Variants in DNAH14 observed in about 807,000 individuals in gnomAD.
DNAH14 encodes the protein dynein axonemal heavy chain 14.
Under a neutral mutation model 520.9 loss-of-function variants are expected in DNAH14, and 478 were observed. The ratio of observed to expected loss-of-function variants is 0.92; its 90% CI spans 0.85 to 0.99. The LOEUF is 0.99. DNAH14 is among the 50% of genes least tolerant of loss of function. DNAH14 has a pLI of 0.00. For synonymous variants in DNAH14, 1,581 were observed against 1,757.2 expected (o/e 0.90, Z 2.51); for missense variants, 4,831 against 5,234.5 (o/e 0.92, Z 2.38).
intron 23 of DNAH14, among the ~76,000 whole-genome samples, chr1:225,115,144 C>A (rs2076775286): frequency 6.6e-6 from 1 of 152,122 alleles, no homozygotes; most frequent in African/African-American, 2.4e-5. Context: ...AAAATAATTG[C>A]TTTTTCCCTA....
intron 66 of DNAH14, among the ~76,000 whole-genome samples, chr1:225,335,707 A>G (rs548721819): frequency 1.3e-4 from 11 of 81,660 alleles, no homozygotes; most frequent in East Asian, 3.2e-4. Flanking sequence ...ATGTGCATAT[A>G]TGTATATACG....
In DNAH14 at chr1:225,152,051, G is replaced by A; in HGVS notation, c.4987G>A (p.Val1663Ile). ...KEIRINMSCA[V>I]FITMNPRYGG... is the part of the protein sequence containing the mutation. Reference sequence around the variant, plus strand: ...AATTCGTATCAATATGTCTTGTGCGGTATTTATCACCATGAATCCCAGGTA... The same window carrying A: ...AATTCGTATCAATATGTCTTGTGCGATATTTATCACCATGAATCCCAGGTA... The change falls in exon 32 of 86, where the codon GTA (valine) becomes ATA (isoleucine). Residue 1663 changes from valine to isoleucine, a missense_variant. Val to Ile is a conservative substitution (Grantham distance 29). Coordinates refer to ENST00000682510, the MANE Select transcript of DNAH14 (RefSeq NM_001367479.1). 1.3e-6 allele frequency: 2 copies of A among 1,550,628 alleles called. No individual in the cohort carries two copies. The highest frequency in any genetic ancestry group is 1.7e-6 in the Non-Finnish European group (2 of 1,146,674).
At chr1:225,301,373 G>C (rs977385464) in intron 56 of DNAH14, among the ~76,000 whole-genome samples, 3 of 151,900 alleles carry the variant, frequency 2.0e-5, no homozygotes, top group African/African-American at 4.8e-5. Flanking sequence ...TTCTTATTTC[G>C]TCTTTTTGGT....
chr1:225,269,010 T>C (rs1056837522), intron 49 of DNAH14, among the ~76,000 whole-genome samples: 3 of 152,118 alleles, frequency 2.0e-5, no homozygotes, highest in Non-Finnish European at 2.9e-5. Context: ...AAAAAGAGCC[T>C]GCATTGCCAA....
chr1:225,346,208 T>C lies in DNAH14; in HGVS notation c.10925T>C (p.Val3642Ala), dbSNP rs201079664. 1.4e-3 allele frequency: 2,214 copies of C among 1,551,652 alleles called. 3 individuals carry two copies. Among genetic ancestry groups the C allele is most frequent in the Non-Finnish European group, 1.8e-3 (2,073 of 1,146,954 alleles). Residue 3642 changes from valine (V) to alanine (A), a missense_variant, in exon 70 of 86, where the codon GTA (valine) becomes GCA (alanine). Val to Ala is a moderately conservative substitution (Grantham distance 64). Coordinates refer to ENST00000682510, the MANE Select transcript of DNAH14 (RefSeq NM_001367479.1). ...TTTCATCAGGTTTTTGTTTCATCAGTAGTTTCCAAAAGCAAAGAACAAGAA... is the reference window on the plus strand; with the variant it reads ...TTTCATCAGGTTTTTGTTTCATCAGCAGTTTCCAAAAGCAAAGAACAAGAA... Reference protein sequence around the residue: ...DWFHQVFVSSVVSKSKEQEHS... With the variant: ...DWFHQVFVSSAVSKSKEQEHS...
intron 28 of DNAH14, 83 bp downstream of exon 28, chr1:225,141,104 T>C: frequency 1.5e-6 from 2 of 1,332,818 alleles, no homozygotes; most frequent in South Asian, 1.7e-5. Flanking sequence ...CCTCACACTT[T>C]GTCAAACTTG....
In DNAH14 at chr1:225,117,728, T is replaced by C; in HGVS notation, c.3912T>C (p.Phe1304=). The C allele has an allele frequency of 1.3e-6, 2 of 1,550,436 alleles. No homozygotes were observed. Among genetic ancestry groups the C allele is most frequent in the Non-Finnish European group, 1.7e-6 (2 of 1,146,846 alleles). ...VKRLIFPRFY[F]LSNAELLDIL... Reference sequence around the variant, plus strand: ...GATTAATTTTCCCAAGATTTTACTTTCTTAGCAATGCCGAGCTTCTTGATA... The same window carrying C: ...GATTAATTTTCCCAAGATTTTACTTCCTTAGCAATGCCGAGCTTCTTGATA... The change falls in exon 24 of 86, where the codon TTT becomes TTC. Residue 1304 remains phenylalanine, a synonymous_variant. Coordinates refer to ENST00000682510, the MANE Select transcript of DNAH14 (RefSeq NM_001367479.1).
chr1:225,335,208 CAT>C (rs1491125790), intron 66 of DNAH14, among the ~76,000 whole-genome samples: 5 of 137,914 alleles, frequency 3.6e-5, no homozygotes, highest in African/African-American at 5.0e-5. Context: ...CACACACGTA[CAT>C]GTGTGTATAT....
intron 1 of DNAH14, among the ~76,000 whole-genome samples, chr1:224,950,751 T>A (rs895742277): frequency 1.3e-5 from 2 of 152,186 alleles, no homozygotes; most frequent in African/African-American, 4.8e-5. Context: ...CTAAGAATGG[T>A]TTTTACACAT....
At chr1:225,007,220 T>C (rs907001358) in intron 9 of DNAH14, among the ~76,000 whole-genome samples, 193 bp from the exon 10 acceptor site, 5 of 152,224 alleles carry the variant, frequency 3.3e-5, no homozygotes, top group African/African-American at 1.2e-4. Flanking sequence ...AATGTATTTT[T>C]CTGTATTTTA....
chr1:225,375,970 C>A (rs1330584623), intron 78 of DNAH14, among the ~76,000 whole-genome samples: 2 of 151,542 alleles, frequency 1.3e-5, no homozygotes, highest in Admixed American at 1.3e-4. Flanking sequence ...CACTTGTAGT[C>A]CCAGCTACTC....
rs189673231 is a variant in DNAH14 at position 224,974,911 on chromosome 1, A to C, written c.830+758A>C. Among the ~76,000 whole-genome samples the C allele has an allele frequency of 8.9e-3, 1,359 of 152,108 alleles. 25 individuals are homozygous for C. The highest frequency in any genetic ancestry group is 0.01 in the Middle Eastern group (3 of 294). ...TTGAGATACGTCCTATCAATACCTA[A>C]TTTATTGAGAGTTTTTAGCATGAAG... On this transcript the variant is annotated intron_variant, in intron 8 of 85. Coordinates refer to ENST00000682510, the MANE Select transcript of DNAH14 (RefSeq NM_001367479.1).
intron 51 of DNAH14, 76 bp downstream of exon 51, chr1:225,272,149 G>A (rs1453347066): frequency 2.2e-6 from 3 of 1,345,528 alleles, no homozygotes; most frequent in Non-Finnish European, 3.0e-6. Flanking sequence ...ACATTAGATT[G>A]TTAGAAGGGG....
At chr1:225,241,120 A>T (rs919476991) in intron 43 of DNAH14, among the ~76,000 whole-genome samples, 9 of 152,176 alleles carry the variant, frequency 5.9e-5, no homozygotes, top group African/African-American at 2.2e-4. Flanking sequence ...TATTATCCAT[A>T]TCGCCATGTA....
chr1:225,216,526 G>T (rs2089351426), intron 41 of DNAH14, among the ~76,000 whole-genome samples: 1 of 152,148 alleles, frequency 6.6e-6, no homozygotes, highest in Non-Finnish European at 1.5e-5. Context: ...TCACTTTCTG[G>T]TACACCAATC....
At chr1:225,149,861 C>T (rs886303778) in intron 31 of DNAH14, among the ~76,000 whole-genome samples, 1 of 152,180 alleles carries the variant, frequency 6.6e-6, no homozygotes, top group Non-Finnish European at 1.5e-5. Context: ...GATAGTTCGA[C>T]TTCCTCTCTT....
chr1:224,981,918 G>A (rs1368723379), intron 8 of DNAH14, among the ~76,000 whole-genome samples: 2 of 152,120 alleles, frequency 1.3e-5, no homozygotes, highest in Non-Finnish European at 2.9e-5. Context: ...CTTTTGGAAG[G>A]CCGAAAGGTT....
chr1:225,291,164 C>T (rs113278349), intron 55 of DNAH14, among the ~76,000 whole-genome samples: 98 of 152,192 alleles, frequency 6.4e-4, no homozygotes, highest in African/African-American at 2.2e-3. Flanking sequence ...CTACACTTAG[C>T]ATAATCATGT....
rs190862075 is a variant in DNAH14 at position 225,021,205 on chromosome 1, A to G, written c.1108-2410A>G. 1.4e-3 allele frequency among the ~76,000 whole-genome samples: 218 copies of G among 152,322 alleles called. 2 individuals carry two copies. The highest frequency in any genetic ancestry group is 5.1e-3 in the African/African-American group (210 of 41,568). On this transcript the variant is annotated intron_variant, in intron 10 of 85. Coordinates refer to ENST00000682510, the MANE Select transcript of DNAH14 (RefSeq NM_001367479.1). Reference sequence around the variant, plus strand: ...ACAGTGAACATCATACTGAACAGGCAAAAACTGGAACCATTCCCACTGATA... The same window carrying G: ...ACAGTGAACATCATACTGAACAGGCGAAAACTGGAACCATTCCCACTGATA...
Sources: allele counts gnomAD v4.1 joint callset (sites outside exome capture counted in the v4.1 genomes callset), GRCh38; gene constraint gnomAD v4.1.1; transcripts MANE v1.5; gene names NCBI Gene and HGNC (gene_info 2026-07-23, HGNC 2026-07-21).